PPP1R12B: variants seen among roughly 807,000 people sequenced by gnomAD.
PPP1R12B encodes the protein protein phosphatase 1 regulatory subunit 12B, also known as myosin phosphatase target subunit 2.
Under a neutral mutation model 126.1 loss-of-function variants are expected in PPP1R12B, and 76 were observed. The ratio of observed to expected loss-of-function variants is 0.60; its 90% CI spans 0.50 to 0.73. The LOEUF is 0.73. Ranked by LOEUF, PPP1R12B falls within the 30% of genes least tolerant of loss-of-function variation. The pLI is 0.00. For synonymous variants in PPP1R12B, 356 were observed against 434.7 expected (o/e 0.82, Z 2.25); for missense variants, 1,052 against 1,205.1 (o/e 0.87, Z 1.88).
intron 23 of PPP1R12B, among the ~76,000 whole-genome samples, chr1:202,579,545 G>A (rs754458569): frequency 5.9e-5 from 9 of 152,178 alleles, no homozygotes; most frequent in South Asian, 2.1e-4. Flanking sequence ...GATGCACAGC[G>A]TACTTGTTGA....
At chr1:202,352,192 G>T (rs976619547) in intron 1 of PPP1R12B, among the ~76,000 whole-genome samples, 12 of 152,238 alleles carry the variant, frequency 7.9e-5, no homozygotes, top group Admixed American at 7.2e-4. Flanking sequence ...TTTCATTTGC[G>T]TATACACATT....
At chr1:202,525,974 C>T (rs1024999232) in intron 18 of PPP1R12B, among the ~76,000 whole-genome samples, 4 of 152,176 alleles carry the variant, frequency 2.6e-5, no homozygotes, top group African/African-American at 7.2e-5. Context: ...GGATCACAGG[C>T]GTGAGCTGCC....
intron 10 of PPP1R12B, chr1:202,439,140 T>G: frequency 1.3e-6 from 2 of 1,580,958 alleles, no homozygotes; most frequent in Non-Finnish European, 1.7e-6. Flanking sequence ...CTCCTGTAGT[T>G]GAAGGTGAAG....
At chr1:202,472,530 A>G (rs990706778) in intron 13 of PPP1R12B, among the ~76,000 whole-genome samples, 1 of 152,226 alleles carries the variant, frequency 6.6e-6, no homozygotes, top group African/African-American at 2.4e-5. Context: ...CTGACCAGTG[A>G]ACTAACTGTA....
At chr1:202,474,040 A>T (rs1166509806) in intron 13 of PPP1R12B, 1 of 493,178 alleles carries the variant, frequency 2.0e-6, no homozygotes, top group African/African-American at 2.0e-5. Context: ...GAGACAGCAG[A>T]GTATAAATGC....
chr1:202,539,868 A>C, intron 18 of PPP1R12B: 1 of 310,546 alleles, frequency 3.2e-6, no homozygotes, highest in South Asian at 3.7e-5. Flanking sequence ...TGCTCAGCAC[A>C]ATACCCTCTA....
chr1:202,472,065 T>A, intron 13 of PPP1R12B: 1 of 1,594,492 alleles, frequency 6.3e-7, no homozygotes, highest in Non-Finnish European at 8.5e-7. Context: ...CTTCTTGTGT[T>A]TCCTCTTCTC....
chr1:202,501,594 GT>G (rs1296363638), intron 18 of PPP1R12B, among the ~76,000 whole-genome samples: 1 of 152,184 alleles, frequency 6.6e-6, no homozygotes, highest in Non-Finnish European at 1.5e-5. Context: ...CGGGTTCAAT[GT>G]AGTAAAGGTA....
At chr1:202,493,416 G>T in intron 15 of PPP1R12B, 99 bp downstream of exon 15, 1 of 1,268,796 alleles carries the variant, frequency 7.9e-7, no homozygotes, top group African/African-American at 1.5e-5. Context: ...GTTCTACCTT[G>T]CAATGGACAA....
At chr1:202,472,891 T>G (rs980163740) in intron 13 of PPP1R12B, among the ~76,000 whole-genome samples, 3 of 152,224 alleles carry the variant, frequency 2.0e-5, no homozygotes, top group African/African-American at 7.2e-5. Flanking sequence ...CAGCCTTGCC[T>G]ATTCATTTAT....
chr1:202,359,519 T>A lies in PPP1R12B; in HGVS notation c.291+10377T>A, dbSNP rs1254310700. ...AAAATCAGCTGGGCGTGGTGGCTCA[T>A]GCCTATAATCCTAGCACTGGGAGGC... On this transcript the variant is annotated intron_variant, in intron 1 of 23. Coordinates refer to ENST00000608999, the MANE Select transcript of PPP1R12B (RefSeq NM_002481.4). Among the ~76,000 whole-genome samples, 3 of 151,986 alleles carry A rather than the reference T, an allele frequency of 2.0e-5. 1 individual carries two copies. Among genetic ancestry groups the A allele is most frequent in the South Asian group, 4.1e-4 (2 of 4,826 alleles).
intron 13 of PPP1R12B, among the ~76,000 whole-genome samples, chr1:202,475,808 G>A (rs894348267): frequency 6.6e-6 from 1 of 151,342 alleles, no homozygotes; most frequent in African/African-American, 2.4e-5. Context: ...CCCCTGCCCC[G>A]GCCCCCAGTA....
chr1:202,515,992 T>G (rs1385885900), intron 18 of PPP1R12B, among the ~76,000 whole-genome samples: 1 of 152,170 alleles, frequency 6.6e-6, no homozygotes, highest in African/African-American at 2.4e-5. Flanking sequence ...TTAATTCAAG[T>G]CCCTCCTCTG....
intron 18 of PPP1R12B, among the ~76,000 whole-genome samples, chr1:202,510,854 A>T (rs1187934648): frequency 6.8e-6 from 1 of 147,842 alleles, no homozygotes; most frequent in African/African-American, 2.5e-5. Flanking sequence ...TACAAGTTTT[A>T]TTCAGGCAAG....
rs1381178667 is a variant in PPP1R12B at position 202,425,664 on chromosome 1, G to C, written c.640G>C (p.Ala214Pro). The change falls in exon 4 of 24, where the codon GCT (alanine) becomes CCT (proline). Residue 214 changes from alanine (A) to proline (P), a missense_variant. Coordinates refer to ENST00000608999, the MANE Select transcript of PPP1R12B (RefSeq NM_002481.4). ...NSGKIEDVRQ[A>P]RSGATALHVA... ...TGGGAAAATAGAGGATGTGAGGCAG[G>C]CTCGCTCAGGGGCTACAGCCCTTCA... 2 of 1,613,940 alleles carry C rather than the reference G, an allele frequency of 1.2e-6. No individual in the cohort carries two copies. Among genetic ancestry groups the C allele is most frequent in the African/African-American group, 2.7e-5 (2 of 75,042 alleles).
intron 1 of PPP1R12B, among the ~76,000 whole-genome samples, chr1:202,359,208 G>A (rs1042875331): frequency 1.3e-4 from 20 of 151,600 alleles, no homozygotes; most frequent in Non-Finnish European, 2.6e-4. Context: ...GCAGTGGTGC[G>A]ATCTTGGCCC....
chr1:202,581,795 T>A lies in PPP1R12B; in HGVS notation c.*1235T>A, dbSNP rs1689562429. On this transcript the variant is annotated 3_prime_UTR_variant, in exon 24 of 24. Transcript: ENST00000608999. ...TTTGATTATTTCCAGTGGTTAGATT[T>A]AGCAGAGAGATTTACTTTCTTAGAA... is the stretch of plus-strand genomic sequence containing the variant. The A allele has an allele frequency of 6.6e-6, 1 of 152,224 alleles. No homozygotes were observed. Among genetic ancestry groups the A allele is most frequent in the Non-Finnish European group, 1.5e-5 (1 of 68,042 alleles). 9.4% of individuals were successfully genotyped at this position (152,224 alleles called of 1,614,324 possible).
rs1689764980 is a variant in PPP1R12B at position 202,585,525 on chromosome 1, C to G, written c.*4965C>G. The G allele has an allele frequency of 6.6e-6, 1 of 152,168 alleles. No individual in the cohort carries two copies. The highest frequency in any genetic ancestry group is 2.4e-5 in the African/African-American group (1 of 41,430). 9.4% of individuals were successfully genotyped at this position (152,168 alleles called of 1,614,324 possible). On this transcript the variant is annotated 3_prime_UTR_variant, in exon 24 of 24. Coordinates refer to ENST00000608999, the MANE Select transcript of PPP1R12B (RefSeq NM_002481.4). ...TTGGACTGGATAATCTTTATGTGCC[C>G]TTTCCTTTTGGCTTAAAATTCTGTG...
At chr1:202,382,645 G>A (rs1313660449) in intron 1 of PPP1R12B, among the ~76,000 whole-genome samples, 1 of 151,914 alleles carries the variant, frequency 6.6e-6, no homozygotes, top group Non-Finnish European at 1.5e-5. Context: ...GGGAGGCTGA[G>A]GGGGGTGGAT....
Sources: gnomAD v4.1 joint callset for allele counts (sites outside exome capture counted in the v4.1 genomes callset) on GRCh38, gnomAD v4.1.1 for gene constraint, MANE v1.5 for transcripts, NCBI Gene and HGNC (gene_info 2026-07-23, HGNC 2026-07-21) for gene names.